The following ATP7B variants were observed in gnomAD, a reference collection of about 807,000 sequenced individuals.
ATP7B encodes the protein ATPase copper transporting beta.
A neutral mutation model predicts 118.9 loss-of-function variants in ATP7B; 113 were observed. That is an observed-to-expected ratio of 0.95 (90% CI 0.82 to 1.11). ATP7B has a LOEUF of 1.11. Ranked by LOEUF, ATP7B falls within the 50% of genes most tolerant of loss-of-function variation. The probability of loss-of-function intolerance (pLI) is 0.00; values close to 1 mark genes in which losing one functional copy is unlikely to be tolerated. For synonymous variants in ATP7B, 777 were observed against 727.4 expected, an observed-to-expected ratio of 1.07 and a Z score of -1.10; for missense variants, 1,867 against 1,871.4, an observed-to-expected ratio of 1.00 and a Z score of 0.04.
chr13:51,968,522 A>G lies in ATP7B; in HGVS notation c.1629T>C (p.Ala543=). ...DPEVIQPLEI[A]QFIQDLGFEA... is the part of the protein sequence containing the mutation. Reference sequence around the variant, plus strand: ...CAAAACCCAGGTCCTGGATGAACTGAGCTATCTCGAGGGGCTGGATGACCT... The same window carrying G: ...CAAAACCCAGGTCCTGGATGAACTGGGCTATCTCGAGGGGCTGGATGACCT... The change falls in exon 4 of 21, where the codon GCT becomes GCC. Residue 543 remains alanine, a synonymous_variant. Transcript: ENST00000242839. 1 of 1,614,088 alleles carries G rather than the reference A, an allele frequency of 6.2e-7. No homozygotes were observed. Among genetic ancestry groups the G allele is most frequent in the Non-Finnish European group, 8.5e-7 (1 of 1,180,002 alleles).
chr13:51,962,989 G>A (rs1420909993), intron 5 of ATP7B, among the ~76,000 whole-genome samples: 2 of 151,996 alleles, frequency 1.3e-5, no homozygotes, highest in African/African-American at 4.8e-5. Flanking sequence ...CTACTCGGGA[G>A]GCTGAGGCAG....
At chr13:51,937,989 T>C (rs1368057698) in intron 17 of ATP7B, among the ~76,000 whole-genome samples, 1 of 152,162 alleles carries the variant, frequency 6.6e-6, no homozygotes, top group African/African-American at 2.4e-5. Flanking sequence ...AAAGCATCCG[T>C]CCGGCCATGT....
intron 9 of ATP7B, among the ~76,000 whole-genome samples, chr13:51,950,738 A>G (rs1957946796): frequency 6.6e-6 from 1 of 151,654 alleles, no homozygotes; most frequent in Non-Finnish European, 1.5e-5. Context: ...AGGGCTTCTT[A>G]GAGTGGCAGA....
At chr13:51,959,309 T>G (rs2139573038) in intron 7 of ATP7B, 1 of 152,784 alleles carries the variant, frequency 6.5e-6, no homozygotes, top group African/African-American at 2.4e-5. Flanking sequence ...CTTGGAGGAC[T>G]GTTGAAGGCC....
chr13:52,001,544 C>T (rs1244233304), intron 1 of ATP7B, among the ~76,000 whole-genome samples: 1 of 152,156 alleles, frequency 6.6e-6, no homozygotes, highest in Non-Finnish European at 1.5e-5. Context: ...CTCCCTCCAA[C>T]ATCCCATATC....
intron 1 of ATP7B, among the ~76,000 whole-genome samples, chr13:51,979,284 ACTAC>A (rs767212693): frequency 6.6e-6 from 1 of 152,198 alleles, no homozygotes; most frequent in Non-Finnish European, 1.5e-5. Flanking sequence ...TGGTGCTAGG[ACTAC>A]CTGTGTGAAA....
chr13:51,938,799 C>T (rs4587855), intron 17 of ATP7B, among the ~76,000 whole-genome samples: 14 of 152,308 alleles, frequency 9.2e-5, no homozygotes, highest in Admixed American at 3.3e-4. Context: ...GACTGGGAAA[C>T]GGTTAGAGAA....
intron 4 of ATP7B, chr13:51,966,863 C>T: frequency 1.2e-6 from 2 of 1,612,728 alleles, no homozygotes; most frequent in Non-Finnish European, 1.7e-6. Context: ...ATGGCCAAGC[C>T]AGATTGTATC....
chr13:51,976,956 C>T (rs1057507707), intron 1 of ATP7B, among the ~76,000 whole-genome samples: 1 of 152,172 alleles, frequency 6.6e-6, no homozygotes, highest in South Asian at 2.1e-4. Flanking sequence ...TTTATAAACA[C>T]TGTAAACTTA....
At chr13:51,961,786 G>A (rs2139664805) in intron 6 of ATP7B, 51 bp downstream of exon 6, 1 of 1,562,964 alleles carries the variant, frequency 6.4e-7, no homozygotes, top group Non-Finnish European at 8.8e-7. Flanking sequence ...GGCCCAGGTA[G>A]AGGAAGGGAC....
rs768218512 is a variant in ATP7B, at chr13:51,957,548, A to G, written c.2415T>C (p.Val805=). The change falls in exon 9 of 21, where the codon GTT becomes GTC. Residue 805 remains valine, a synonymous_variant. Transcript: ENST00000242839. ...LMSLQATEAT[V]VTLGEDNLII... is the part of the protein sequence containing the mutation. ...TTAAATTGTCCTCACCAAGGGTCACAACGGTGGCTTCTGTGGCTTGGAGAG... is the reference window on the plus strand; with the variant it reads ...TTAAATTGTCCTCACCAAGGGTCACGACGGTGGCTTCTGTGGCTTGGAGAG... 1.9e-6 allele frequency: 3 copies of G among 1,614,188 alleles called. No homozygotes were observed. Among genetic ancestry groups the G allele is most frequent in the Non-Finnish European group, 2.5e-6 (3 of 1,179,988 alleles).
chr13:51,975,576 A>G, intron 1 of ATP7B: 1 of 516,412 alleles, frequency 1.9e-6, no homozygotes, highest in Non-Finnish European at 3.9e-6. Flanking sequence ...ATACCTCCCC[A>G]CAGAACTTAG....
chr13:51,964,134 C>T (rs1163475335), intron 5 of ATP7B, among the ~76,000 whole-genome samples: 1 of 152,008 alleles, frequency 6.6e-6, no homozygotes, highest in Non-Finnish European at 1.5e-5. Context: ...CACACACACA[C>T]ACACAATGAA....
At chr13:51,998,897 T>C (rs1953347846) in intron 1 of ATP7B, among the ~76,000 whole-genome samples, 1 of 152,168 alleles carries the variant, frequency 6.6e-6, no homozygotes, top group Non-Finnish European at 1.5e-5. Flanking sequence ...AGGCTCACAC[T>C]GGGCAGGGCT....
At chr13:51,960,057 C>T in intron 7 of ATP7B, 91 bp downstream of exon 7, 1 of 1,502,402 alleles carries the variant, frequency 6.7e-7, no homozygotes, top group South Asian at 1.1e-5. Flanking sequence ...TTAAACCAAG[C>T]TAAAGCACTA....
At chr13:52,001,460 A>G (rs1953488912) in intron 1 of ATP7B, among the ~76,000 whole-genome samples, 1 of 152,150 alleles carries the variant, frequency 6.6e-6, no homozygotes, top group Non-Finnish European at 1.5e-5. Flanking sequence ...TGAAACAGTC[A>G]TTCTGATCTT....
At chr13:51,992,729 G>A (rs1177990062) in intron 1 of ATP7B, among the ~76,000 whole-genome samples, 5 of 152,094 alleles carry the variant, frequency 3.3e-5, no homozygotes, top group Non-Finnish European at 7.4e-5. Context: ...TGTAATCCCA[G>A]CACTTTGGAT....
chr13:51,941,325 T>C, intron 15 of ATP7B, 101 bp from the exon 16 acceptor site: 4 of 1,457,558 alleles, frequency 2.7e-6, no homozygotes, highest in Non-Finnish European at 3.8e-6. Flanking sequence ...TTAACCATTC[T>C]GAAAAACTGT....
chr13:51,961,437 G>T (rs1275943396), intron 6 of ATP7B, among the ~76,000 whole-genome samples: 2 of 151,884 alleles, frequency 1.3e-5, no homozygotes, highest in African/African-American at 4.8e-5. Context: ...TAGAACCCAT[G>T]CAAATAAAGT....
Sources: gnomAD v4.1 joint callset for allele counts (sites outside exome capture counted in the v4.1 genomes callset) on GRCh38, gnomAD v4.1.1 for gene constraint, MANE v1.5 for transcripts, NCBI Gene and HGNC (gene_info 2026-07-23, HGNC 2026-07-21) for gene names.